NBAS: variants seen among roughly 807,000 people sequenced by gnomAD.
The protein encoded by NBAS is NAG/BC035112 fusion.
In NBAS, 219 loss-of-function variants were observed where a neutral mutation model predicts 302.5. The observed-to-expected ratio is 0.72, with a 90% CI of 0.65 to 0.81. The LOEUF (loss-of-function observed/expected upper bound fraction) is 0.81, where lower values mean the gene tolerates loss of function less well. Among genes scored for constraint, NBAS ranks in the 30% least tolerant of loss-of-function variants. The pLI is 0.00. For synonymous variants in NBAS, 1,118 were observed against 1,021.6 expected (o/e 1.09, Z -1.80); for missense variants, 2,932 against 2,841.6 (o/e 1.03, Z -0.72).
chr2:15,547,140 C>G (rs1297931686), intron 6 of NBAS, among the ~76,000 whole-genome samples: 1 of 152,176 alleles, frequency 6.6e-6, no homozygotes, highest in Non-Finnish European at 1.5e-5. Context: ...AAGTTACAAT[C>G]CACATTTAAA....
At chr2:15,487,814 C>T (rs1680694404) in intron 12 of NBAS, among the ~76,000 whole-genome samples, 1 of 152,146 alleles carries the variant, frequency 6.6e-6, no homozygotes, top group Non-Finnish European at 1.5e-5. Context: ...AGCTGAGGAG[C>T]ACCTCTGCCA....
At chr2:15,022,091 A>G in the NBAS span, among the ~76,000 whole-genome samples, 1 of 152,196 alleles carries the variant, frequency 6.6e-6, no homozygotes, top group African/African-American at 2.4e-5. Context: ...CAGTGGCCTC[A>G]GCTGCGGGGT....
intron 30 of NBAS, among the ~76,000 whole-genome samples, chr2:15,376,120 A>C (rs1464168961): frequency 6.6e-6 from 1 of 152,152 alleles, no homozygotes; most frequent in Non-Finnish European, 1.5e-5. Context: ...TATTGTTTGG[A>C]TATCTATTGC....
chr2:15,238,365 T>G, intron 45 of NBAS, 103 bp downstream of exon 45: 1 of 1,164,972 alleles, frequency 8.6e-7, no homozygotes, highest in Non-Finnish European at 1.2e-6. Context: ...CAAGGATATC[T>G]GCAAGCCTGA....
chr2:15,067,319 C>T, the NBAS span, among the ~76,000 whole-genome samples: 77 of 147,952 alleles, frequency 5.2e-4, 1 homozygote, highest in African/African-American at 1.9e-3. Flanking sequence ...CACTCCAGCC[C>T]GGGTGACAGA....
At chr2:15,097,256 G>T in the NBAS span, among the ~76,000 whole-genome samples, 3 of 152,130 alleles carry the variant, frequency 2.0e-5, no homozygotes, top group Non-Finnish European at 4.4e-5. Context: ...CTGCTGGGGT[G>T]GGGGACAAGG....
chr2:15,394,291 T>G lies in NBAS; in HGVS notation c.3193A>C (p.Thr1065Pro), dbSNP rs1311714657. 6.2e-7 allele frequency: 1 copy of G among 1,613,276 alleles called. No homozygotes were observed. The highest frequency in any genetic ancestry group is 1.3e-5 in the African/African-American group (1 of 75,008). Residue 1065 changes from threonine to proline, a missense_variant, in exon 28 of 52, where the codon ACT (threonine) becomes CCT (proline). By Grantham distance (38) the Thr-to-Pro change is conservative. Coordinates refer to ENST00000281513, the MANE Select transcript of NBAS (RefSeq NM_015909.4). ...CGTGCCTCTTCTGAGCTAGATTGAGTGTTTTTAACAAATGAAATTGGTTTC... is the reference window on the plus strand; with the variant it reads ...CGTGCCTCTTCTGAGCTAGATTGAGGGTTTTTAACAAATGAAATTGGTTTC... ...LEKPISFVKN[T>P]QSSSEEARKL...
At chr2:15,526,426 A>G (rs1392796961) in intron 9 of NBAS, among the ~76,000 whole-genome samples, 1 of 152,188 alleles carries the variant, frequency 6.6e-6, no homozygotes, top group Non-Finnish European at 1.5e-5. Flanking sequence ...TATATTACCA[A>G]TTTATCCAAA....
chr2:15,492,984 G>A (rs572771181), intron 11 of NBAS, among the ~76,000 whole-genome samples: 1 of 152,272 alleles, frequency 6.6e-6, no homozygotes, highest in South Asian at 2.1e-4. Context: ...TTGAATTATT[G>A]TAATCCCCAT....
In NBAS at chr2:15,292,508, C is replaced by G. The variant is rs1260540036; in HGVS notation, c.5027+29G>C. 1.9e-6 allele frequency: 3 copies of G among 1,603,248 alleles called. No individual in the cohort carries two copies. The African/African-American group carries it at 4.0e-5, about 21-fold the overall frequency. The stretch of plus-strand genomic sequence containing the variant: ...TTATTCTTTTGCAGTTTAAATCCAT[C>G]CCCTTATGAAACAAAGGGTATCACT... On this transcript the variant is annotated intron_variant, in intron 41 of 51. Coordinates refer to ENST00000281513, the MANE Select transcript of NBAS (RefSeq NM_015909.4).
the NBAS span, among the ~76,000 whole-genome samples, chr2:15,013,331 T>C: frequency 2.4e-4 from 36 of 152,068 alleles, no homozygotes; most frequent in African/African-American, 8.2e-4. Context: ...CTTATTACTA[T>C]AGAAAACCAT....
chr2:15,054,237 G>T, the NBAS span, among the ~76,000 whole-genome samples: 1 of 152,230 alleles, frequency 6.6e-6, no homozygotes, highest in Non-Finnish European at 1.5e-5. Flanking sequence ...GGTAAGGAAA[G>T]CCATGTGCAG....
At chr2:14,976,516 C>T in the NBAS span, among the ~76,000 whole-genome samples, 27 of 152,306 alleles carry the variant, frequency 1.8e-4, no homozygotes, top group African/African-American at 5.8e-4. Context: ...AATGTTTATA[C>T]CCTGGGAGTA....
At chr2:15,012,602 G>A in the NBAS span, among the ~76,000 whole-genome samples, 833 of 152,228 alleles carry the variant, frequency 5.5e-3, 15 homozygotes, top group South Asian at 0.033. Flanking sequence ...CAAGGCACAT[G>A]ATAGTCAAAT....
intron 9 of NBAS, among the ~76,000 whole-genome samples, chr2:15,521,892 AGAG>A: frequency 6.6e-6 from 1 of 152,176 alleles, no homozygotes; most frequent in Admixed American, 6.5e-5. Context: ...TCACACTACA[AGAG>A]GAGAGTTTAG....
the NBAS span, among the ~76,000 whole-genome samples, chr2:15,148,688 A>T: frequency 4.3e-3 from 655 of 152,302 alleles, 6 homozygotes; most frequent in African/African-American, 0.015. Context: ...ATTATTTATA[A>T]TTTTTTTAAA....
chr2:15,279,688 C>T (rs547674642), intron 42 of NBAS, among the ~76,000 whole-genome samples: 5 of 152,258 alleles, frequency 3.3e-5, no homozygotes, highest in South Asian at 2.1e-4. Flanking sequence ...TGCAATTTTA[C>T]CCAATTATCT....
At chr2:15,160,893 A>G in the NBAS span, among the ~76,000 whole-genome samples, 1 of 152,202 alleles carries the variant, frequency 6.6e-6, no homozygotes, top group African/African-American at 2.4e-5. Flanking sequence ...TATTTCAGTA[A>G]GAAGGTAACA....
chr2:15,096,136 T>A, the NBAS span, among the ~76,000 whole-genome samples: 1 of 152,244 alleles, frequency 6.6e-6, no homozygotes, highest in East Asian at 1.9e-4. Context: ...TGGAAGCCTT[T>A]GTTTAAAACA....
Sources: gnomAD v4.1 joint callset for allele counts (sites outside exome capture counted in the v4.1 genomes callset) on GRCh38, gnomAD v4.1.1 for gene constraint, MANE v1.5 for transcripts, NCBI Gene and HGNC (gene_info 2026-07-23, HGNC 2026-07-21) for gene names.